RALGPS2: variants seen among roughly 807,000 people sequenced by gnomAD.
RALGPS2 encodes Ral GEF with PH domain and SH3 binding motif 2, also known as ras-specific guanine nucleotide-releasing factor RalGPS2.
In RALGPS2, 43 loss-of-function variants were observed where a neutral mutation model predicts 86.8. The ratio of observed to expected loss-of-function variants is 0.50; its 90% CI spans 0.39 to 0.64. The LOEUF is 0.64. RALGPS2 is among the 30% of genes least tolerant of loss of function. The probability of loss-of-function intolerance (pLI) is 0.00; values close to 1 mark genes in which losing one functional copy is unlikely to be tolerated. For missense variants in RALGPS2, 536 were observed against 694.6 expected, an observed-to-expected ratio of 0.77 and a Z score of 2.57; for synonymous variants, 243 against 231.3, an observed-to-expected ratio of 1.05 and a Z score of -0.46.
rs533217352 is a variant in RALGPS2 at position 178,826,458 on chromosome 1, A to G, written c.480+4754A>G. 2.0e-5 allele frequency among the ~76,000 whole-genome samples: 3 copies of G among 152,322 alleles called. No homozygotes were observed. In the East Asian group the frequency reaches 5.8e-4, roughly 29 times the overall value. The stretch of plus-strand genomic sequence containing the variant: ...AAATAAACCAGATACAAAAGAACAA[A>G]TACTGTATAATTCCTATAATTCCAC... On this transcript the variant is annotated intron_variant, in intron 7 of 19. Transcript: ENST00000367635.
intron 4 of RALGPS2, among the ~76,000 whole-genome samples, chr1:178,807,472 G>GCCAAA (rs1163660706): frequency 6.6e-6 from 1 of 152,184 alleles, no homozygotes; most frequent in African/African-American, 2.4e-5. Context: ...TGTTGCCAAT[G>GCCAAA]CCACTGTAAT....
At chr1:178,847,916 A>G (rs1558147316) in intron 8 of RALGPS2, among the ~76,000 whole-genome samples, 1 of 152,188 alleles carries the variant, frequency 6.6e-6, no homozygotes, top group Admixed American at 6.5e-5. Flanking sequence ...AAAATCTCAA[A>G]TTTTTAAAAT....
At chr1:178,906,998 A>C in intron 19 of RALGPS2, 131 bp downstream of exon 19, 2 of 778,080 alleles carry the variant, frequency 2.6e-6, no homozygotes, top group Non-Finnish European at 4.1e-6. Flanking sequence ...TGTTGATTAC[A>C]GTTAATAAGA....
At chr1:178,755,296 G>A (rs1323986195) in intron 1 of RALGPS2, among the ~76,000 whole-genome samples, 2 of 152,114 alleles carry the variant, frequency 1.3e-5, no homozygotes, top group Non-Finnish European at 2.9e-5. Flanking sequence ...CCTTGGTAGT[G>A]AGCATGTTAC....
chr1:178,902,276 A>ATGTG, intron 18 of RALGPS2, 65 bp downstream of exon 18: 5 of 1,246,300 alleles, frequency 4.0e-6, no homozygotes, highest in South Asian at 1.2e-5. Context: ...GTATGTATGT[A>ATGTG]TGTGTGTGTG....
intron 1 of RALGPS2, among the ~76,000 whole-genome samples, chr1:178,756,642 G>A (rs1651970553): frequency 6.6e-6 from 1 of 152,078 alleles, no homozygotes; most frequent in African/African-American, 2.4e-5. Context: ...GGCTACTCAG[G>A]TTCTTTTTTG....
In RALGPS2 at chr1:178,774,055, A is replaced by G. The variant is rs144031176; in HGVS notation, c.-83-2627A>G. Reference sequence around the variant, plus strand: ...TAAGAGTTCGAGACCAGCCTGGCCAACATGGTGAAACCCTGTCTCTACAGC... The same window carrying G: ...TAAGAGTTCGAGACCAGCCTGGCCAGCATGGTGAAACCCTGTCTCTACAGC... On this transcript the variant is annotated intron_variant, in intron 1 of 19. Transcript: ENST00000367635. 5.6e-3 allele frequency among the ~76,000 whole-genome samples: 850 copies of G among 152,276 alleles called. 5 individuals carry two copies. The highest frequency in any genetic ancestry group is 8.2e-3 in the Non-Finnish European group (559 of 68,018).
chr1:178,791,894 A>G (rs1041411520), intron 4 of RALGPS2, among the ~76,000 whole-genome samples: 1 of 152,228 alleles, frequency 6.6e-6, no homozygotes, highest in African/African-American at 2.4e-5. Context: ...CGGGGGAAAA[A>G]AAGAAAAATT....
chr1:178,789,091 C>G (rs12752114), intron 4 of RALGPS2, among the ~76,000 whole-genome samples: 37,662 of 151,762 alleles, frequency 0.25, 5,220 homozygotes, highest in Non-Finnish European at 0.32. Context: ...ATTTTTAGTA[C>G]AGACAGGGTT....
chr1:178,873,900 A>G (rs906440396), intron 8 of RALGPS2, among the ~76,000 whole-genome samples: 2 of 151,936 alleles, frequency 1.3e-5, no homozygotes, highest in Non-Finnish European at 2.9e-5. Context: ...TTTTTTTTTG[A>G]GACGGAGTCT....
intron 2 of RALGPS2, among the ~76,000 whole-genome samples, chr1:178,777,282 C>G (rs564308266): frequency 6.6e-6 from 1 of 152,062 alleles, no homozygotes; most frequent in African/African-American, 2.4e-5. Context: ...TGAGTGAACT[C>G]CCATTCACAA....
At chr1:178,892,045 A>G (rs1659733760) in intron 14 of RALGPS2, among the ~76,000 whole-genome samples, 185 bp from the exon 15 acceptor site, 1 of 152,110 alleles carries the variant, frequency 6.6e-6, no homozygotes, top group Non-Finnish European at 1.5e-5. Context: ...ATAGTAGAAG[A>G]AAAAATTTTT....
intron 8 of RALGPS2, among the ~76,000 whole-genome samples, chr1:178,847,717 T>C (rs1195271493): frequency 6.6e-6 from 1 of 152,238 alleles, no homozygotes. Flanking sequence ...TTTATTCTGC[T>C]GCTTATATTA....
chr1:178,816,928 C>T (rs1034665201), intron 6 of RALGPS2, among the ~76,000 whole-genome samples: 11 of 151,910 alleles, frequency 7.2e-5, no homozygotes, highest in African/African-American at 9.6e-5. Flanking sequence ...AAGCTGGTCT[C>T]GAACTCCTGA....
At chr1:178,870,628 G>A (rs1435337944) in intron 8 of RALGPS2, 1 of 152,092 alleles carries the variant, frequency 6.6e-6, no homozygotes. Context: ...ATAAACTGTA[G>A]TATATTCCAA....
chr1:178,783,201 C>G (rs1269670578), intron 2 of RALGPS2, among the ~76,000 whole-genome samples: 1 of 152,028 alleles, frequency 6.6e-6, no homozygotes, highest in Non-Finnish European at 1.5e-5. Flanking sequence ...AGCACTGTGA[C>G]AAAAACGAAG....
At chr1:178,769,030 T>C (rs1228437339) in intron 1 of RALGPS2, among the ~76,000 whole-genome samples, 1 of 152,042 alleles carries the variant, frequency 6.6e-6, no homozygotes, top group East Asian at 1.9e-4. Flanking sequence ...CCTGGAGATC[T>C]GCCTGGATAT....
At position 178,773,215 on chromosome 1, in the gene RALGPS2, G is replaced by C. The variant is rs543616280; in HGVS notation, c.-83-3467G>C. Among the ~76,000 whole-genome samples, 9 of 152,280 alleles carry C rather than the reference G, an allele frequency of 5.9e-5. No individual in the cohort carries two copies. The South Asian group carries it at 1.7e-3, about 28-fold the overall frequency. On this transcript the variant is annotated intron_variant, in intron 1 of 19. Coordinates refer to ENST00000367635, the MANE Select transcript of RALGPS2 (RefSeq NM_152663.5). ...ATGTAAACAGTTAGCTGGGCATGGT[G>C]GTGCACACCTCAGCTACTCAGAAAG...
rs199644509 is a variant in RALGPS2, at chr1:178,788,841, C to CTTTCTTTTCTTTTCTTTTCT, written c.213+3257_213+3276dup. 1.3e-3 allele frequency among the ~76,000 whole-genome samples: 171 copies of CTTTCTTTTCTTTTCTTTTCT among 132,494 alleles called. 1 individual carries two copies. Among genetic ancestry groups the CTTTCTTTTCTTTTCTTTTCT allele is most frequent in the African/African-American group, 4.5e-3 (156 of 34,298 alleles). The allele number at this position is 132,494 out of a possible 152,430, so 86.9% of individuals were successfully genotyped here. ...TTCTTTTCTTTTGTTTTCTTTCTTT[C>CTTTCTTTTCTTTTCTTTTCT]TTTCTTTTCTTTTCTTTTCTTTTCT... On this transcript the variant is annotated intron_variant, in intron 4 of 19. Transcript: ENST00000367635.
Sources: allele counts gnomAD v4.1 joint callset (sites outside exome capture counted in the v4.1 genomes callset), GRCh38; gene constraint gnomAD v4.1.1; transcripts MANE v1.5; gene names NCBI Gene and HGNC (gene_info 2026-07-23, HGNC 2026-07-21).